The following ALPK2 variants were observed in gnomAD, a reference collection of about 807,000 sequenced individuals.
ALPK2 encodes alpha kinase 2, also known as alpha-protein kinase 2.
ALPK2 carries 127 observed loss-of-function variants against 163.1 expected under a neutral mutation model. The observed-to-expected ratio is 0.78, with a 90% CI of 0.67 to 0.90. ALPK2 has a LOEUF of 0.90. Among genes scored for constraint, ALPK2 ranks in the 40% least tolerant of loss-of-function variants. ALPK2 has a pLI of 0.00. For missense variants in ALPK2, 2,360 were observed against 2,589.6 expected, an observed-to-expected ratio of 0.91 and a Z score of 1.92; for synonymous variants, 953 against 959.1, an observed-to-expected ratio of 0.99 and a Z score of 0.12.
At chr18:58,572,816 A>G (rs1246485255) in intron 4 of ALPK2, among the ~76,000 whole-genome samples, 1 of 152,150 alleles carries the variant, frequency 6.6e-6, no homozygotes, top group African/African-American at 2.4e-5. Context: ...GGATACAGGA[A>G]CCTACGTAGG....
intron 1 of ALPK2, among the ~76,000 whole-genome samples, chr18:58,626,847 T>C (rs1035394843): frequency 3.3e-5 from 5 of 151,818 alleles, no homozygotes; most frequent in Admixed American, 1.3e-4. Flanking sequence ...TATTACTTTA[T>C]ATAGTTTATT....
chr18:58,579,664 A>G lies in ALPK2; in HGVS notation c.1112T>C (p.Leu371Pro). The change falls in exon 4 of 13, where the codon CTG becomes CCG. Residue 371 changes from leucine to proline, a missense_variant. By Grantham distance (98) the Leu-to-Pro change is moderately conservative. Coordinates refer to ENST00000361673, the MANE Select transcript of ALPK2 (RefSeq NM_052947.4). ...ACTGAGGAAATGCTCACACCCACCC[A>G]GGCAATGCTCACCGAATTCCATCTC... The part of the protein sequence containing the change: ...DEEMEFGEHC[L>P]GGCEHFLSGM... 1 of 1,614,076 alleles carries G rather than the reference A, an allele frequency of 6.2e-7. No homozygotes were observed. Among genetic ancestry groups the G allele is most frequent in the Non-Finnish European group, 8.5e-7 (1 of 1,180,012 alleles).
At chr18:58,628,034 A>G (rs957015511) in intron 1 of ALPK2, among the ~76,000 whole-genome samples, 2 of 152,286 alleles carry the variant, frequency 1.3e-5, no homozygotes, top group East Asian at 1.9e-4. Context: ...ATGATTGCCA[A>G]ATGTCTGTAA....
intron 3 of ALPK2, among the ~76,000 whole-genome samples, chr18:58,590,784 T>A (rs2052011087): frequency 6.6e-6 from 1 of 152,158 alleles, no homozygotes; most frequent in African/African-American, 2.4e-5. Context: ...ACCAATTTAT[T>A]CAGTTATTTA....
At position 58,543,454 on chromosome 18, in the gene ALPK2, G is replaced by T. The variant is rs180819469; in HGVS notation, c.1963-5230C>A. On this transcript the variant is annotated intron_variant, in intron 4 of 12. Transcript: ENST00000361673. ...CAGGCAGGAGGCTTTAAGAGCTGGG[G>T]GCCATGCGGGGCTCTGGGTTCCAAA... 5.4e-5 allele frequency: 51 copies of T among 943,528 alleles called. 2 individuals are homozygous for T. The African/African-American group carries it at 6.4e-4, about 12-fold the overall frequency. The allele number at this position is 943,528 out of a possible 1,614,324, so 58.4% of individuals were successfully genotyped here. A position where few individuals can be genotyped will look rare whatever the true frequency, so the allele number is the denominator to read the frequency against.
intron 1 of ALPK2, among the ~76,000 whole-genome samples, chr18:58,612,385 A>T (rs368286716): frequency 6.6e-6 from 1 of 152,352 alleles, no homozygotes; most frequent in East Asian, 1.9e-4. Flanking sequence ...AAATTAGGAT[A>T]TGACTGCTCC....
intron 3 of ALPK2, among the ~76,000 whole-genome samples, chr18:58,602,821 A>T (rs1008529764): frequency 4.6e-5 from 7 of 152,162 alleles, no homozygotes; most frequent in Non-Finnish European, 1.0e-4. Context: ...GTGAAGAAGT[A>T]GCCGAAGCCC....
chr18:58,618,243 C>T (rs2052180246), intron 1 of ALPK2, among the ~76,000 whole-genome samples: 1 of 152,168 alleles, frequency 6.6e-6, no homozygotes, highest in East Asian at 1.9e-4. Flanking sequence ...GACGGGGTTT[C>T]ACCATATTGG....
At chr18:58,502,178 A>G (rs2051435383) in intron 11 of ALPK2, among the ~76,000 whole-genome samples, 1 of 127,678 alleles carries the variant, frequency 7.8e-6, no homozygotes, top group Non-Finnish European at 1.7e-5. Context: ...ACACACACAC[A>G]CAAAGAAAAA....
intron 10 of ALPK2, among the ~76,000 whole-genome samples, chr18:58,506,771 A>G (rs922970523): frequency 6.6e-6 from 1 of 152,208 alleles, no homozygotes; most frequent in African/African-American, 2.4e-5. Flanking sequence ...CAATTTCAGC[A>G]CTGTTGACAT....
At chr18:58,489,415 G>T (rs571462068) in intron 12 of ALPK2, among the ~76,000 whole-genome samples, 13 of 152,138 alleles carry the variant, frequency 8.5e-5, no homozygotes, top group Non-Finnish European at 1.6e-4. Context: ...GGTATGGTAG[G>T]TAGCTCACGC....
At position 58,543,473 on chromosome 18, in the gene ALPK2, T is replaced by C. The variant is rs934163615; in HGVS notation, c.1963-5249A>G. 32 of 876,380 alleles carry C rather than the reference T, an allele frequency of 3.7e-5. No homozygotes were observed. The African/African-American group carries it at 5.1e-4, about 14-fold the overall frequency. The allele number at this position is 876,380 out of a possible 1,614,324, so 54.3% of individuals were successfully genotyped here. On this transcript the variant is annotated intron_variant, in intron 4 of 12. Coordinates refer to ENST00000361673, the MANE Select transcript of ALPK2 (RefSeq NM_052947.4). ...GCTGGGGGCCATGCGGGGCTCTGGG[T>C]TCCAAAGAGAGAGGGCAGCAGAAAG...
Position 58,535,413 on chromosome 18 carries a change from C to T in ALPK2, c.4774G>A (p.Glu1592Lys), listed in dbSNP as rs1236619063. 3.1e-6 allele frequency: 5 copies of T among 1,614,088 alleles called. No individual in the cohort carries two copies. The highest frequency in any genetic ancestry group is 4.5e-5 in the East Asian group (2 of 44,906). ...FPVSQKRGTI[E>K]NERGKPLPSS... ...GGCAAAGGTTTCCCACGCTCATTCT[C>T]AATAGTTCCCCTTTTCTGTGAAACA... Residue 1592 changes from glutamate (E) to lysine (K), a missense_variant, in exon 5 of 13, where the codon GAG becomes AAG. Coordinates refer to ENST00000361673, the MANE Select transcript of ALPK2 (RefSeq NM_052947.4).
chr18:58,503,853 C>A, intron 11 of ALPK2, 78 bp downstream of exon 11: 1 of 1,388,746 alleles, frequency 7.2e-7, no homozygotes, highest in Non-Finnish European at 9.9e-7. Context: ...CCTTCCTCTC[C>A]CTCCCCTCCC....
chr18:58,613,715 AATAAT>A (rs1568101787), intron 1 of ALPK2, among the ~76,000 whole-genome samples: 21 of 77,016 alleles, frequency 2.7e-4, no homozygotes, highest in African/African-American at 1.6e-3. Context: ...AAAAAATAAT[AATAAT>A]AATAATAATA....
rs138799941 is a variant in ALPK2, at chr18:58,580,473, G to A, written c.303C>T (p.Ser101=). Residue 101 remains serine, a synonymous_variant, in exon 4 of 13, where the codon TCC becomes TCT. Transcript: ENST00000361673. The part of the protein sequence containing the change: ...NSFGMICCSA[S]VEVECSSENP... ...TCTCTGATGAGCACTCAACCTCAAC[G>A]GAAGCAGAACAACAGATCATTCCAA... The A allele has an allele frequency of 2.4e-5, 39 of 1,614,090 alleles. No individual in the cohort carries two copies. Among genetic ancestry groups the A allele is most frequent in the Admixed American group, 1.5e-4 (9 of 60,024 alleles).
intron 10 of ALPK2, 148 bp downstream of exon 10, chr18:58,514,845 G>A: frequency 5.8e-6 from 2 of 347,580 alleles, no homozygotes; most frequent in Non-Finnish European, 1.1e-5. Flanking sequence ...CCAGCAAGGG[G>A]TAGGATAGCA....
intron 1 of ALPK2, among the ~76,000 whole-genome samples, chr18:58,628,182 C>T (rs190453185): frequency 6.6e-6 from 1 of 152,032 alleles, no homozygotes; most frequent in East Asian, 1.9e-4. Flanking sequence ...TTTAACAACT[C>T]GATAAATGTT....
intron 11 of ALPK2, among the ~76,000 whole-genome samples, chr18:58,499,986 C>G (rs1293171494): frequency 6.6e-6 from 1 of 152,246 alleles, no homozygotes; most frequent in Non-Finnish European, 1.5e-5. Context: ...TCAGCGTTAT[C>G]TGCTGGGAGC....
Sources: gnomAD v4.1 joint callset for allele counts (sites outside exome capture counted in the v4.1 genomes callset) on GRCh38, gnomAD v4.1.1 for gene constraint, MANE v1.5 for transcripts, NCBI Gene and HGNC (gene_info 2026-07-23, HGNC 2026-07-21) for gene names.